UTP20: variants seen among roughly 807,000 people sequenced by gnomAD.
The protein encoded by UTP20 is small subunit processome component 20 homolog.
Under a neutral mutation model 329.5 loss-of-function variants are expected in UTP20, and 164 were observed. That is an observed-to-expected ratio of 0.50 (90% CI 0.44 to 0.57). UTP20 has a LOEUF of 0.57. Ranked by LOEUF, UTP20 falls within the 20% of genes least tolerant of loss-of-function variation. The pLI is 0.00. For missense variants in UTP20, 3,055 were observed against 3,284.2 expected (o/e 0.93, Z 1.71); for synonymous variants, 1,151 against 1,159.3 (o/e 0.99, Z 0.14).
chr12:101,297,448 C>G (rs1872392748), intron 12 of UTP20, among the ~76,000 whole-genome samples: 1 of 152,160 alleles, frequency 6.6e-6, no homozygotes, highest in Admixed American at 6.5e-5. Flanking sequence ...CTCCTGGACT[C>G]AAGTGATCTT....
chr12:101,356,485 A>G, intron 41 of UTP20, 69 bp from the exon 42 acceptor site: 1 of 1,329,770 alleles, frequency 7.5e-7, no homozygotes, highest in Non-Finnish European at 1.0e-6. Flanking sequence ...TTCAAATACA[A>G]AGTTGCAGTG....
chr12:101,346,786 T>C (rs140257384), intron 38 of UTP20, among the ~76,000 whole-genome samples, 198 bp downstream of exon 38: 1 of 152,334 alleles, frequency 6.6e-6, no homozygotes, highest in East Asian at 1.9e-4. Flanking sequence ...GTGTTTTTGC[T>C]ATTATTAGCT....
chr12:101,337,866 AAT>A (rs1204578491), intron 29 of UTP20, among the ~76,000 whole-genome samples, 183 bp from the exon 30 acceptor site: 1 of 152,226 alleles, frequency 6.6e-6, no homozygotes, highest in Non-Finnish European at 1.5e-5. Flanking sequence ...GTGCCTAAGT[AAT>A]ATGTTTGTAA....
intron 25 of UTP20, among the ~76,000 whole-genome samples, chr12:101,322,606 G>T (rs1399350768): frequency 9.9e-5 from 15 of 152,166 alleles, no homozygotes; most frequent in Non-Finnish European, 2.2e-4. Flanking sequence ...TTTTGGTCCA[G>T]CCCCCTACTG....
At chr12:101,311,903 A>G (rs898204767) in intron 20 of UTP20, 105 bp downstream of exon 20, 3 of 1,552,766 alleles carry the variant, frequency 1.9e-6, no homozygotes, top group African/African-American at 2.8e-5. Context: ...GATGAAACAT[A>G]TATTATCATG....
At chr12:101,299,497 G>A (rs563605649) in intron 12 of UTP20, among the ~76,000 whole-genome samples, 185 bp from the exon 13 acceptor site, 35 of 152,256 alleles carry the variant, frequency 2.3e-4, no homozygotes, top group Middle Eastern at 3.4e-3. Flanking sequence ...AGTAGAGCCA[G>A]TGGAGTTGAA....
intron 41 of UTP20, among the ~76,000 whole-genome samples, chr12:101,355,467 C>G (rs530019257): frequency 2.0e-5 from 3 of 152,304 alleles, no homozygotes; most frequent in African/African-American, 7.2e-5. Flanking sequence ...ATTCATCTTT[C>G]CTAGTTAACA....
intron 36 of UTP20, among the ~76,000 whole-genome samples, chr12:101,345,102 C>T (rs1445627684): frequency 3.3e-5 from 5 of 151,780 alleles, no homozygotes; most frequent in African/African-American, 7.3e-5. Context: ...CATGCCACCA[C>T]GCCCAGCTAA....
At chr12:101,377,991 G>A (rs1870530067) in intron 56 of UTP20, among the ~76,000 whole-genome samples, 1 of 152,204 alleles carries the variant, frequency 6.6e-6, no homozygotes, top group Admixed American at 6.5e-5. Flanking sequence ...GGAGGCTGAG[G>A]CTTGCAGATT....
At chr12:101,317,721 G>T (rs142676542) in intron 22 of UTP20, 58 bp downstream of exon 22, 1,075 of 1,492,234 alleles carry the variant, frequency 7.2e-4, no homozygotes, top group Non-Finnish European at 9.5e-4. Context: ...AACAGGAAGA[G>T]GTCTCTTACG....
At position 101,367,877 on chromosome 12, in the gene UTP20, G is replaced by A. The variant is rs1367784524; in HGVS notation, c.6285G>A (p.Leu2095=). ...ESGLRLLHLS[L]KTSKIKSSGE... ...TCTCTTAGCTGCTGCATCTGAGTCT[G>A]AAGACTTCCAAGATCAAGTCTTCAG... Residue 2095 remains leucine (L), a synonymous_variant, in exon 48 of 62, where the codon CTG becomes CTA. Transcript: ENST00000261637. 1 of 1,613,482 alleles carries A rather than the reference G, an allele frequency of 6.2e-7. No homozygotes were observed. The highest frequency in any genetic ancestry group is 2.2e-5 in the East Asian group (1 of 44,878).
At chr12:101,321,125 A>T (rs1252527858) in intron 24 of UTP20, among the ~76,000 whole-genome samples, 188 bp downstream of exon 24, 2 of 152,212 alleles carry the variant, frequency 1.3e-5, no homozygotes, top group Non-Finnish European at 2.9e-5. Flanking sequence ...TGATACTAAA[A>T]TAGAGAATGT....
rs376859385 is a variant in UTP20 at position 101,342,553 on chromosome 12, C to A, written c.4209C>A (p.Asn1403Lys). 51 of 1,613,308 alleles carry A rather than the reference C, an allele frequency of 3.2e-5. No homozygotes were observed. The highest frequency in any genetic ancestry group is 4.3e-5 in the Non-Finnish European group (51 of 1,179,806). Residue 1403 changes from asparagine to lysine, a missense_variant, in exon 33 of 62, where the codon AAC becomes AAA. Around this residue, in one of 3 missense-constraint regions of UTP20, gnomAD observed 2,445 missense variants for 2,575.5 expected, o/e 0.95. Coordinates refer to ENST00000261637, the MANE Select transcript of UTP20 (RefSeq NM_014503.3). ...PIAKLFSVIKNKLSRKLLCTV... is the reference protein window; with the variant it reads ...PIAKLFSVIKKKLSRKLLCTV... ...CAAAACTTTTCTCAGTTATTAAGAA[C>A]AAATTGTCAAGAAAATTGCTTTGTA... is the stretch of plus-strand genomic sequence containing the variant.
Position 101,285,808 on chromosome 12 carries a change from CAAA to C in UTP20, c.255_257del (p.Gln85_Asn86delinsHis). The C allele has an allele frequency of 6.2e-7, 1 of 1,613,672 alleles. No homozygotes were observed. Among genetic ancestry groups the C allele is most frequent in the Non-Finnish European group, 8.5e-7 (1 of 1,179,862 alleles). ...ATCATTCAATCAGTTGGTGTATCACCAAAACGAGATAGTTCAGAGTTTGAAGAC... is the reference window on the plus strand; with the variant it reads ...ATCATTCAATCAGTTGGTGTATCACCACGAGATAGTTCAGAGTTTGAAGAC... On this transcript the variant is annotated inframe_deletion, in exon 4 of 62. Transcript: ENST00000261637.
chr12:101,311,726 G>C lies in UTP20; in HGVS notation c.2239G>C (p.Ala747Pro). 1 of 1,606,496 alleles carries C rather than the reference G, an allele frequency of 6.2e-7. No homozygotes were observed. The highest frequency in any genetic ancestry group is 8.5e-7 in the Non-Finnish European group (1 of 1,177,840). Reference protein sequence around the residue: ...DPVIELISSHAHEMENKQFWK... With the variant: ...DPVIELISSHPHEMENKQFWK... ...ATTTTTTTTTTCCCTTAGTTCTCAT[G>C]CACACGAAATGGAAAATAAGCAATT... Residue 747 changes from alanine (A) to proline (P), a missense_variant, in exon 20 of 62, where the codon GCA becomes CCA. This residue lies in a region of UTP20 where 2,445 missense variants were observed against 2,575.5 expected (regional missense o/e 0.95). Transcript: ENST00000261637.
rs780263725 is a variant in UTP20 at position 101,354,911 on chromosome 12, A to C, written c.5187A>C (p.Thr1729=). The C allele has an allele frequency of 3.7e-6, 6 of 1,614,052 alleles. No individual in the cohort carries two copies. The East Asian group carries it at 1.1e-4, about 30-fold the overall frequency. ...TGGATGAGGAAGAGAAGGAATATAC[A>C]TGCAAGAGTTTGTCAGACAACGGAC... ...ERVDEEEKEY[T]CKSLSDNGQP... The change falls in exon 41 of 62, where the codon ACA becomes ACC. Residue 1729 remains threonine (T), a synonymous_variant. Transcript: ENST00000261637.
rs774745225 is a variant in UTP20 at position 101,370,591 on chromosome 12, T to TA, written c.6687+29dup. ...ATGCTGTCGCCAGAATGTTGACTGT[T>TA]ACGGTTTATGAGTTTCACAGCAGAT... On this transcript the variant is annotated intron_variant, in intron 50 of 61. Transcript: ENST00000261637. 5.6e-6 allele frequency: 9 copies of TA among 1,603,384 alleles called. No homozygotes were observed. In the South Asian group the frequency reaches 1.0e-4, roughly 18 times the overall value.
Position 101,290,726 on chromosome 12 carries a change from C to A in UTP20, c.736-7C>A. 1 of 1,602,386 alleles carries A rather than the reference C, an allele frequency of 6.2e-7. No homozygotes were observed. On this transcript the variant is annotated splice_polypyrimidine_tract_variant and splice_region_variant and intron_variant, in intron 7 of 61. Transcript: ENST00000261637. Reference sequence around the variant, plus strand: ...TATATTAATGTTAATGACTTGTATTCCCACAGGCAGTGAAGCTAATTTTGC... The same window carrying A: ...TATATTAATGTTAATGACTTGTATTACCACAGGCAGTGAAGCTAATTTTGC...
intron 2 of UTP20, among the ~76,000 whole-genome samples, chr12:101,283,583 C>T (rs1042144348): frequency 2.0e-5 from 3 of 152,182 alleles, no homozygotes; most frequent in South Asian, 2.1e-4. Context: ...AGCTGACATA[C>T]GCCAGGTCTG....
Sources: allele counts gnomAD v4.1 joint callset (sites outside exome capture counted in the v4.1 genomes callset), GRCh38; gene constraint gnomAD v4.1.1; regional missense constraint gnomAD v4.1.1; transcripts MANE v1.5; gene names NCBI Gene and HGNC (gene_info 2026-07-23, HGNC 2026-07-21).